The following DDX23 variants were observed in gnomAD, a reference collection of about 807,000 sequenced individuals.
DDX23 encodes the protein DEAD-box helicase 23, also known as probable ATP-dependent RNA helicase DDX23.
DDX23 carries 33 observed loss-of-function variants against 102.7 expected under a neutral mutation model. That is an observed-to-expected ratio of 0.32 (90% CI 0.24 to 0.43). DDX23 has a LOEUF of 0.43. Ranked by LOEUF, DDX23 falls within the 20% of genes least tolerant of loss-of-function variation. The pLI is 1.00. For synonymous variants in DDX23, 352 were observed against 376.0 expected (o/e 0.94, Z 0.74); for missense variants, 549 against 1,086.6 (o/e 0.51, Z 6.96).
intron 3 of DDX23, among the ~76,000 whole-genome samples, chr12:48,843,519 T>C (rs1938607104): frequency 6.6e-6 from 1 of 150,808 alleles, no homozygotes; most frequent in South Asian, 2.1e-4. Context: ...CAACAGAATC[T>C]GTTAAGAGAA....
In DDX23 at chr12:48,831,330, GGTGAA is replaced by G. The variant is rs768619593; in HGVS notation, c.2065-19_2065-15del. On this transcript the variant is annotated splice_polypyrimidine_tract_variant and intron_variant, in intron 15 of 16. Transcript: ENST00000308025. ...GCAAGCATTGTACTGTTGGAAGAAT[GGTGAA>G]GTGAAGAGTGAGCAATGCAATCAAG... is the stretch of plus-strand genomic sequence containing the variant. 23 of 1,613,758 alleles carry G rather than the reference GGTGAA, an allele frequency of 1.4e-5. No homozygotes were observed. Among genetic ancestry groups the G allele is most frequent in the Middle Eastern group, 1.6e-4 (1 of 6,084 alleles).
At chr12:48,849,797 T>C (rs1427585544) in intron 1 of DDX23, among the ~76,000 whole-genome samples, 1 of 151,838 alleles carries the variant, frequency 6.6e-6, no homozygotes. Flanking sequence ...GGGAGGAAAA[T>C]ATCGTCCAGG....
intron 12 of DDX23, 63 bp downstream of exon 12, chr12:48,834,257 A>G: frequency 1.3e-6 from 2 of 1,498,682 alleles, no homozygotes; most frequent in Admixed American, 4.2e-5. Context: ...TCCAGAAACT[A>G]GAAACAAAGC....
In DDX23 at chr12:48,834,341, G is replaced by A. The variant is rs1938434255; in HGVS notation, c.1539C>T (p.Phe513=). The A allele has an allele frequency of 6.2e-7, 1 of 1,613,784 alleles. No homozygotes were observed. Among genetic ancestry groups the A allele is most frequent in the Non-Finnish European group, 8.5e-7 (1 of 1,179,948 alleles). ...AAACCTCACAACCCATGCGCAGCCT[G>A]AAGCCCTGGTCTTCTCTGGAGATGC... The part of the protein sequence containing the change: ...IGGISREDQG[F]RLRMGCEIVI... The change falls in exon 12 of 17, where the codon TTC becomes TTT. Residue 513 remains phenylalanine, a synonymous_variant. Coordinates refer to ENST00000308025, the MANE Select transcript of DDX23 (RefSeq NM_004818.3).
intron 1 of DDX23, among the ~76,000 whole-genome samples, 157 bp downstream of exon 1, chr12:48,851,927 C>T (rs1186422995): frequency 6.6e-6 from 1 of 152,238 alleles, no homozygotes; most frequent in Non-Finnish European, 1.5e-5. Flanking sequence ...CTGGGGCCCG[C>T]GCCCCTTCAC....
In DDX23 at chr12:48,836,395, C is replaced by T; in HGVS notation, c.1237-129G>A. The T allele has an allele frequency of 3.0e-5, 39 of 1,301,668 alleles. 1 individual carries two copies. The highest frequency in any genetic ancestry group is 3.9e-5 in the Non-Finnish European group (36 of 930,182). The allele number at this position is 1,301,668 out of a possible 1,614,324, so 80.6% of individuals were successfully genotyped here. A position where few individuals can be genotyped will look rare whatever the true frequency, so the allele number is the denominator to read the frequency against. On this transcript the variant is annotated intron_variant, in intron 10 of 16. Transcript: ENST00000308025. This position sits in a 1 kb window ranked among gnomAD's most constrained non-coding sequence, Gnocchi z 6.1. ...AAGTACAGTTCACAGAAATAGGGAC[C>T]CCAAGAAGAAACCTAATCACTAAAA... is the stretch of plus-strand genomic sequence containing the variant.
intron 3 of DDX23, among the ~76,000 whole-genome samples, chr12:48,842,326 C>A (rs1481960273): frequency 2.8e-5 from 4 of 141,870 alleles, no homozygotes; most frequent in South Asian, 4.5e-4. Flanking sequence ...TGAGGGGCGC[C>A]TCTGCCCGGC....
rs1460403275 is a variant in DDX23 at position 48,837,297 on chromosome 12, TG to T, written c.849del (p.Ile284LeufsTer16). On this transcript the variant is annotated frameshift_variant, in exon 8 of 17. Transcript: ENST00000308025. LOFTEE classifies it high-confidence loss of function. ...VFEWDASEDT[S>X]IDYNPLYKER... is the part of the protein sequence containing the mutation. The stretch of plus-strand genomic sequence containing the variant: ...GCCACTCACAGGGGGTTGTAGTCAA[TG>T]GATGTGTCCTCAGATGCATCCCACT... The T allele has an allele frequency of 6.2e-7, 1 of 1,613,984 alleles. No individual in the cohort carries two copies. The highest frequency in any genetic ancestry group is 8.5e-7 in the Non-Finnish European group (1 of 1,179,966).
At chr12:48,841,596 G>A (rs1592202745) in intron 3 of DDX23, among the ~76,000 whole-genome samples, 1 of 152,224 alleles carries the variant, frequency 6.6e-6, no homozygotes, top group Admixed American at 6.5e-5. Context: ...GAGTGCCTGC[G>A]ATTGCAGGCG....
intron 3 of DDX23, among the ~76,000 whole-genome samples, chr12:48,843,672 C>G (rs913260391): frequency 2.2e-4 from 34 of 151,288 alleles, no homozygotes; most frequent in African/African-American, 8.3e-4. Context: ...CCTCAGCCTC[C>G]TGAGTAGCTG....
chr12:48,836,446 A>G lies in DDX23; in HGVS notation c.1236+123T>C. The G allele has an allele frequency of 8.0e-7, 1 of 1,254,290 alleles. No homozygotes were observed. Among genetic ancestry groups the G allele is most frequent in the South Asian group, 1.4e-5 (1 of 70,768 alleles). 77.7% of individuals were successfully genotyped at this position (1,254,290 alleles called of 1,614,324 possible). The stretch of plus-strand genomic sequence containing the variant: ...GCCAACACTTCTACCAGAAAGTGAC[A>G]GAAAAGGTCACATTGGTGCCCACTA... On this transcript the variant is annotated intron_variant, in intron 10 of 16. Coordinates refer to ENST00000308025, the MANE Select transcript of DDX23 (RefSeq NM_004818.3). This position sits in a 1 kb window ranked among gnomAD's most constrained non-coding sequence, Gnocchi z 6.1.
At chr12:48,849,411 C>A (rs994753512) in intron 1 of DDX23, among the ~76,000 whole-genome samples, 10 of 152,232 alleles carry the variant, frequency 6.6e-5, no homozygotes, top group Admixed American at 1.3e-4. Context: ...CGCCTGTAAT[C>A]CCAGCACTTT....
rs1226344052 is a variant in DDX23 at position 48,837,026 on chromosome 12, C to T, written c.878G>A (p.Arg293Gln). The T allele has an allele frequency of 5.0e-6, 8 of 1,613,978 alleles. No homozygotes were observed. The part of the protein sequence containing the change: ...SIDYNPLYKE[R>Q]HQVQLLGRGF... ...TCGCCCTAACAACTGCACCTGGTGCCGTTCTTTGTACCTGGGATTGAGATA... is the reference window on the plus strand; with the variant it reads ...TCGCCCTAACAACTGCACCTGGTGCTGTTCTTTGTACCTGGGATTGAGATA... Residue 293 changes from arginine (R) to glutamine (Q), a missense_variant, in exon 9 of 17, where the codon CGG becomes CAG. Arg to Gln is a conservative substitution (Grantham distance 43). This residue lies in a region of DDX23 where 270 missense variants were observed against 707.0 expected (regional missense o/e 0.38). Coordinates refer to ENST00000308025, the MANE Select transcript of DDX23 (RefSeq NM_004818.3).
intron 1 of DDX23, among the ~76,000 whole-genome samples, chr12:48,849,932 A>C (rs1417035548): frequency 6.6e-6 from 1 of 152,228 alleles, no homozygotes; most frequent in African/African-American, 2.4e-5. Context: ...GGAAGCACTA[A>C]TGCAGGAGGA....
rs1395965895 is a variant in DDX23 at position 48,830,459 on chromosome 12, G to T, written c.*10C>A. 1.9e-6 allele frequency: 3 copies of T among 1,613,862 alleles called. No homozygotes were observed. The highest frequency in any genetic ancestry group is 2.5e-6 in the Non-Finnish European group (3 of 1,179,896). On this transcript the variant is annotated 3_prime_UTR_variant, in exon 17 of 17. Transcript: ENST00000308025. This position sits in a 1 kb window ranked among gnomAD's most constrained non-coding sequence, Gnocchi z 4.9. Reference sequence around the variant, plus strand: ...TGGAGATGCCCTCAGCCCACAGGAAGAGTGCTGTGTCAGGCAAAGATGGTC... The same window carrying T: ...TGGAGATGCCCTCAGCCCACAGGAATAGTGCTGTGTCAGGCAAAGATGGTC...
chr12:48,842,893 G>A (rs1254765272), intron 3 of DDX23, among the ~76,000 whole-genome samples: 1 of 151,920 alleles, frequency 6.6e-6, no homozygotes, highest in African/African-American at 2.4e-5. Flanking sequence ...AAATCGGATG[G>A]TTGCCGTGTC....
chr12:48,836,072 C>T lies in DDX23; in HGVS notation c.1382+49G>A, dbSNP rs752456035. 1.9e-6 allele frequency: 3 copies of T among 1,588,794 alleles called. No homozygotes were observed. Among genetic ancestry groups the T allele is most frequent in the Non-Finnish European group, 2.6e-6 (3 of 1,162,232 alleles). ...ATCAAACATTCATTTGCCACTTTCA[C>T]CTTTCCTACCCAGACAAACCCACTC... On this transcript the variant is annotated intron_variant, in intron 11 of 16. Transcript: ENST00000308025. This position sits in a 1 kb window ranked among gnomAD's most constrained non-coding sequence, Gnocchi z 6.1.
At chr12:48,843,312 A>C (rs544663158) in intron 3 of DDX23, among the ~76,000 whole-genome samples, 47 of 145,112 alleles carry the variant, frequency 3.2e-4, no homozygotes, top group South Asian at 8.4e-4. Context: ...AAAAAAACCC[A>C]AAAAAAACAA....
chr12:48,848,164 T>C (rs1439663090), intron 1 of DDX23, among the ~76,000 whole-genome samples: 3 of 152,036 alleles, frequency 2.0e-5, no homozygotes, highest in Non-Finnish European at 4.4e-5. Context: ...TGGGCGCCTG[T>C]AGTCCCACCT....
Sources: gnomAD v4.1 joint callset for allele counts (sites outside exome capture counted in the v4.1 genomes callset) on GRCh38, gnomAD v4.1.1 for gene constraint, gnomAD v4.1.1 regional missense constraint, Gnocchi (gnomAD v3.1) non-coding constraint, MANE v1.5 for transcripts, NCBI Gene and HGNC (gene_info 2026-07-23, HGNC 2026-07-21) for gene names.